Variants in TRMT1L observed in about 807,000 individuals in gnomAD.
The protein encoded by TRMT1L is tRNA (guanine(27)-N(2))-dimethyltransferase.
In TRMT1L, 28 loss-of-function variants were observed where a neutral mutation model predicts 81.6. The ratio of observed to expected loss-of-function variants is 0.34; its 90% CI spans 0.25 to 0.47. TRMT1L has a LOEUF of 0.47. Among genes scored for constraint, TRMT1L ranks in the 20% least tolerant of loss-of-function variants. TRMT1L has a pLI of 1.00. For synonymous variants in TRMT1L, 301 were observed against 303.2 expected (o/e 0.99, Z 0.07); for missense variants, 739 against 877.1 (o/e 0.84, Z 1.99).
rs760635408 is a variant in TRMT1L, at chr1:185,150,439, T to C, written c.400A>G (p.Ser134Gly). The part of the protein sequence containing the change: ...CPKEKFRACN[S>G]HKLRRHLQNL... ...TGGAGGTGACGACGAAGCTTATGGCTATTACAAGCTCTGAATTTTTCCTTA... is the reference window on the plus strand; with the variant it reads ...TGGAGGTGACGACGAAGCTTATGGCCATTACAAGCTCTGAATTTTTCCTTA... Residue 134 changes from serine (S) to glycine (G), a missense_variant, in exon 3 of 15, where the codon AGC becomes GGC. By Grantham distance (56) the Ser-to-Gly change is moderately conservative. This residue lies in a region of TRMT1L where 209 missense variants were observed against 165.4 expected (regional missense o/e 1.26). Transcript: ENST00000367506. The C allele has an allele frequency of 1.2e-6, 2 of 1,613,784 alleles. No individual in the cohort carries two copies. The highest frequency in any genetic ancestry group is 1.7e-6 in the Non-Finnish European group (2 of 1,179,864).
intron 12 of TRMT1L, among the ~76,000 whole-genome samples, chr1:185,124,319 A>G (rs191170332): frequency 4.6e-5 from 7 of 152,070 alleles, no homozygotes; most frequent in Admixed American, 3.9e-4. Context: ...TAGGGTAATA[A>G]AAATCACAAA....
Position 185,118,813 on chromosome 1 carries a change from T to C in TRMT1L, c.*1206A>G, listed in dbSNP as rs1557982310. ...TATCCACTAGATTTTTTTGTATATGTCACAGAAGTACTTTTTTCTTAGGTA... is the reference window on the plus strand; with the variant it reads ...TATCCACTAGATTTTTTTGTATATGCCACAGAAGTACTTTTTTCTTAGGTA... On this transcript the variant is annotated 3_prime_UTR_variant, in exon 15 of 15. Transcript: ENST00000367506. The C allele has an allele frequency of 6.6e-6, 1 of 152,126 alleles. No individual in the cohort carries two copies. Among genetic ancestry groups the C allele is most frequent in the Non-Finnish European group, 1.5e-5 (1 of 68,006 alleles). 9.4% of individuals were successfully genotyped at this position (152,126 alleles called of 1,614,324 possible).
rs1041021433 is a variant in TRMT1L, at chr1:185,118,618, T to C, written c.*1401A>G. ...GAATTACACAGCAGAATTTTTTTAATGGTCATTATAGAAACTAGCTTGCAC... is the reference window on the plus strand; with the variant it reads ...GAATTACACAGCAGAATTTTTTTAACGGTCATTATAGAAACTAGCTTGCAC... On this transcript the variant is annotated 3_prime_UTR_variant, in exon 15 of 15. Coordinates refer to ENST00000367506, the MANE Select transcript of TRMT1L (RefSeq NM_030934.5). 6.6e-6 allele frequency: 1 copy of C among 152,210 alleles called. No homozygotes were observed. The highest frequency in any genetic ancestry group is 2.4e-5 in the African/African-American group (1 of 41,464). 9.4% of individuals were successfully genotyped at this position (152,210 alleles called of 1,614,324 possible).
rs1365376775 is a variant in TRMT1L, at chr1:185,150,472, A to G, written c.367T>C (p.Leu123=). 1 of 1,612,982 alleles carries G rather than the reference A, an allele frequency of 6.2e-7. No individual in the cohort carries two copies. Among genetic ancestry groups the G allele is most frequent in the East Asian group, 2.2e-5 (1 of 44,860 alleles). ...LDAGNRQACP[L]CPKEKFRACN... ...GCTCTGAATTTTTCCTTAGGGCACA[A>G]TGGACAAGCCTGTCTGTTGCCTTAA... Residue 123 remains leucine (L), a synonymous_variant, in exon 3 of 15, where the codon TTG becomes CTG. Transcript: ENST00000367506.
intron 6 of TRMT1L, 62 bp from the exon 7 acceptor site, chr1:185,143,498 C>A: frequency 6.8e-7 from 1 of 1,460,566 alleles, no homozygotes; most frequent in South Asian, 1.2e-5. Context: ...GATTTTATTT[C>A]ATTTAAGAAT....
chr1:185,154,431 G>C (rs987137835), intron 1 of TRMT1L, among the ~76,000 whole-genome samples: 1 of 152,168 alleles, frequency 6.6e-6, no homozygotes, highest in Non-Finnish European at 1.5e-5. Flanking sequence ...GTTATAATGA[G>C]ATATAATTTC....
In TRMT1L at chr1:185,119,498, G is replaced by A. The variant is rs1424588161; in HGVS notation, c.*521C>T. ...AAAAGATCAATGTGGAGAGAAGTAT[G>A]ATTTCTTAAAAATGGGTACATATTT... On this transcript the variant is annotated 3_prime_UTR_variant, in exon 15 of 15. Coordinates refer to ENST00000367506, the MANE Select transcript of TRMT1L (RefSeq NM_030934.5). The A allele has an allele frequency of 2.0e-5, 3 of 152,162 alleles. No individual in the cohort carries two copies. Among genetic ancestry groups the A allele is most frequent in the Non-Finnish European group, 4.4e-5 (3 of 68,036 alleles). The allele number at this position is 152,162 out of a possible 1,614,324, so 9.4% of individuals were successfully genotyped here.
intron 10 of TRMT1L, among the ~76,000 whole-genome samples, chr1:185,132,586 A>G (rs1198474452): frequency 6.6e-6 from 1 of 151,808 alleles, no homozygotes; most frequent in East Asian, 1.9e-4. Flanking sequence ...GAGATTATCC[A>G]GTAAACTGAA....
At chr1:185,143,870 G>C in intron 6 of TRMT1L, 36 bp downstream of exon 6, 1 of 1,552,582 alleles carries the variant, frequency 6.4e-7, no homozygotes, top group Non-Finnish European at 8.7e-7. Flanking sequence ...ATAATAATTT[G>C]AAACATCCCA....
chr1:185,150,527 T>G, intron 2 of TRMT1L, 35 bp from the exon 3 acceptor site: 1 of 1,440,902 alleles, frequency 6.9e-7, no homozygotes, highest in Non-Finnish European at 9.7e-7. Context: ...AACAACAGAA[T>G]ATTCTAGTTA....
intron 10 of TRMT1L, among the ~76,000 whole-genome samples, chr1:185,135,889 A>G (rs912444991): frequency 3.9e-5 from 6 of 152,156 alleles, no homozygotes; most frequent in African/African-American, 1.4e-4. Flanking sequence ...ACCTGACAAT[A>G]GTTTATTCTA....
chr1:185,140,040 G>A lies in TRMT1L; in HGVS notation c.1042C>T (p.Leu348Phe). 1 of 1,613,680 alleles carries A rather than the reference G, an allele frequency of 6.2e-7. No individual in the cohort carries two copies. ...ATTTTGGTCACCTTAATATTACCAA[G>A]ATTTTTCTCTCCTTCTTCAAGAATA... ...DDILEEGEKNLGNIKVTKMDA... is the reference protein window; with the variant it reads ...DDILEEGEKNFGNIKVTKMDA... The change falls in exon 8 of 15, where the codon CTT becomes TTT. Residue 348 changes from leucine to phenylalanine, a missense_variant. Physicochemically the swap from Leu to Phe is conservative, Grantham distance 22 (BLOSUM62 0). Coordinates refer to ENST00000367506, the MANE Select transcript of TRMT1L (RefSeq NM_030934.5).
At position 185,140,046 on chromosome 1, in the gene TRMT1L, T is replaced by TC; in HGVS notation, c.1035dup (p.Lys346GlufsTer5). On this transcript the variant is annotated frameshift_variant, in exon 8 of 15. Transcript: ENST00000367506. LOFTEE classifies it high-confidence loss of function. ...GTCACCTTAATATTACCAAGATTTT[T>TC]CTCTCCTTCTTCAAGAATATCATCA... is the stretch of plus-strand genomic sequence containing the variant. The TC allele has an allele frequency of 6.2e-7, 1 of 1,613,812 alleles. No homozygotes were observed. The highest frequency in any genetic ancestry group is 8.5e-7 in the Non-Finnish European group (1 of 1,179,844).
At chr1:185,141,813 C>T (rs2102247623) in intron 7 of TRMT1L, among the ~76,000 whole-genome samples, 1 of 152,224 alleles carries the variant, frequency 6.6e-6, no homozygotes, top group African/African-American at 2.4e-5. Flanking sequence ...GAAGTCTGGA[C>T]TCCCGGCAAT....
Position 185,119,940 on chromosome 1 carries a change from AC to A in TRMT1L, c.*78del. On this transcript the variant is annotated 3_prime_UTR_variant, in exon 15 of 15. Coordinates refer to ENST00000367506, the MANE Select transcript of TRMT1L (RefSeq NM_030934.5). ...ATTTTTACTCTACTGAATTGAAAGA[AC>A]AGAAAAAGAACTACAGTTGGTATAG... 7.1e-7 allele frequency: 1 copy of A among 1,404,052 alleles called. No homozygotes were observed. Among genetic ancestry groups the A allele is most frequent in the Non-Finnish European group, 9.5e-7 (1 of 1,052,928 alleles). The allele number at this position is 1,404,052 out of a possible 1,614,324, so 87.0% of individuals were successfully genotyped here.
intron 4 of TRMT1L, among the ~76,000 whole-genome samples, chr1:185,146,772 T>G (rs537813812): frequency 2.0e-4 from 30 of 152,184 alleles, no homozygotes; most frequent in African/African-American, 7.0e-4. Flanking sequence ...TCTCTAAGAT[T>G]GAACTCAAAA....
At chr1:185,143,840 G>C (rs567710301) in intron 6 of TRMT1L, 66 bp downstream of exon 6, 10 of 1,382,596 alleles carry the variant, frequency 7.2e-6, no homozygotes, top group Non-Finnish European at 8.8e-6. Flanking sequence ...AGAACATAAA[G>C]GTTAAGAGAA....
At chr1:185,128,859 T>G in intron 10 of TRMT1L, 112 bp from the exon 11 acceptor site, 1 of 901,768 alleles carries the variant, frequency 1.1e-6, no homozygotes, top group Middle Eastern at 2.8e-4. Context: ...ATCTACTATG[T>G]GCCAGGTATT....
At chr1:185,128,835 A>G (rs1652698346) in intron 10 of TRMT1L, 88 bp from the exon 11 acceptor site, 1 of 1,135,964 alleles carries the variant, frequency 8.8e-7, no homozygotes, top group South Asian at 1.3e-5. Context: ...ATGTGCAGCT[A>G]CTATATACTG....
Sources: allele counts gnomAD v4.1 joint callset (sites outside exome capture counted in the v4.1 genomes callset), GRCh38; gene constraint gnomAD v4.1.1; regional missense constraint gnomAD v4.1.1; transcripts MANE v1.5; gene names NCBI Gene and HGNC (gene_info 2026-07-23, HGNC 2026-07-21).